Variants in CPNE4 observed in about 807,000 individuals in gnomAD.
The protein encoded by CPNE4 is copine-4.
Under a neutral mutation model 67.9 loss-of-function variants are expected in CPNE4, and 25 were observed. The observed-to-expected ratio is 0.37, with a 90% CI of 0.27 to 0.51. The LOEUF (loss-of-function observed/expected upper bound fraction) is 0.51. Ranked by LOEUF, CPNE4 falls within the 20% of genes least tolerant of loss-of-function variation. The pLI, the probability that CPNE4 is intolerant of heterozygous loss-of-function variation, is 0.93. For missense variants in CPNE4, 464 were observed against 690.8 expected (o/e 0.67, Z 3.68); for synonymous variants, 242 against 244.9 (o/e 0.99, Z 0.11).
chr3:131,677,790 T>C (rs951765667), intron 6 of CPNE4, among the ~76,000 whole-genome samples: 4 of 152,192 alleles, frequency 2.6e-5, no homozygotes, highest in Admixed American at 2.0e-4. Flanking sequence ...CATTGGTCTA[T>C]GTGTCTGTTC....
intron 2 of CPNE4, among the ~76,000 whole-genome samples, chr3:131,865,738 G>T (rs188242437): frequency 3.3e-5 from 5 of 152,210 alleles, no homozygotes; most frequent in Non-Finnish European, 7.3e-5. Flanking sequence ...AATTTAGCAC[G>T]TGTACAAGTT....
In CPNE4 at chr3:131,951,323, A is replaced by G. The variant is rs200397684; in HGVS notation, c.-1-45879T>C. Among the ~76,000 whole-genome samples, 46 of 150,946 alleles carry G rather than the reference A, an allele frequency of 3.0e-4. No homozygotes were observed. The East Asian group carries it at 8.7e-3, about 28-fold the overall frequency. On this transcript the variant is annotated intron_variant, in intron 1 of 15. Coordinates refer to ENST00000429747, the MANE Select transcript of CPNE4 (RefSeq NM_130808.3). The stretch of plus-strand genomic sequence containing the variant: ...ACTGTTGACATAGGGTTCACTATTG[A>G]TTTTTTATGTCAATGTTTTATCTTG...
chr3:131,666,914 G>T (rs571097083), intron 7 of CPNE4, among the ~76,000 whole-genome samples: 22 of 152,286 alleles, frequency 1.4e-4, no homozygotes, highest in Admixed American at 9.8e-4. Flanking sequence ...AGAAACAATT[G>T]TTTAATAAAT....
chr3:131,987,917 G>A (rs2073093706), intron 1 of CPNE4, among the ~76,000 whole-genome samples: 1 of 152,158 alleles, frequency 6.6e-6, no homozygotes, highest in Admixed American at 6.5e-5. Flanking sequence ...CTTATAATGT[G>A]CCAAGCACAG....
chr3:131,932,529 A>G (rs376215591), intron 1 of CPNE4, among the ~76,000 whole-genome samples: 4 of 152,254 alleles, frequency 2.6e-5, no homozygotes, highest in East Asian at 1.9e-4. Context: ...GCCATGGAGA[A>G]AGGGTAAACA....
intron 7 of CPNE4, among the ~76,000 whole-genome samples, chr3:131,640,975 T>G (rs2079525640): frequency 6.6e-6 from 1 of 152,158 alleles, no homozygotes; most frequent in South Asian, 2.1e-4. Context: ...TGCAGAAGAA[T>G]GAAATTGGAT....
At chr3:131,850,801 C>T (rs2086209963) in intron 2 of CPNE4, among the ~76,000 whole-genome samples, 3 of 152,054 alleles carry the variant, frequency 2.0e-5, no homozygotes, top group Admixed American at 2.0e-4. Context: ...GAGATTTTAT[C>T]CCCATTTTGT....
intron 1 of CPNE4, among the ~76,000 whole-genome samples, chr3:131,924,570 A>C (rs1334448080): frequency 6.6e-6 from 1 of 152,190 alleles, no homozygotes; most frequent in Non-Finnish European, 1.5e-5. Flanking sequence ...TTTATCTCAG[A>C]TATTCTAATT....
intron 1 of CPNE4, among the ~76,000 whole-genome samples, chr3:131,938,632 G>C (rs1175838002): frequency 6.6e-6 from 1 of 152,064 alleles, no homozygotes; most frequent in African/African-American, 2.4e-5. Context: ...CAGCAGGAGA[G>C]AGAGAGAAGG....
chr3:131,583,965 T>C (rs1459983606), intron 8 of CPNE4, among the ~76,000 whole-genome samples: 1 of 152,192 alleles, frequency 6.6e-6, no homozygotes, highest in Non-Finnish European at 1.5e-5. Flanking sequence ...CAATGCCTTC[T>C]TCTAGAAGGT....
intron 2 of CPNE4, among the ~76,000 whole-genome samples, chr3:131,785,556 G>T (rs1324338518): frequency 6.6e-6 from 1 of 151,828 alleles, no homozygotes; most frequent in Non-Finnish European, 1.5e-5. Flanking sequence ...TTGACTTAGT[G>T]TATGTTTTGA....
At chr3:131,867,006 A>G (rs1453214199) in intron 2 of CPNE4, among the ~76,000 whole-genome samples, 1 of 152,240 alleles carries the variant, frequency 6.6e-6, no homozygotes, top group Non-Finnish European at 1.5e-5. Flanking sequence ...ACCACCTGGC[A>G]TTAAAACAAA....
In CPNE4 at chr3:131,943,074, C is replaced by A. The variant is rs575004503; in HGVS notation, c.-1-37630G>T. The stretch of plus-strand genomic sequence containing the variant: ...GGAAATCCAGAAGCTTTGGAATTTA[C>A]AAAAGTAATAAAGTGGATATAAAGT... On this transcript the variant is annotated intron_variant, in intron 1 of 15. Coordinates refer to ENST00000429747, the MANE Select transcript of CPNE4 (RefSeq NM_130808.3). 4.6e-5 allele frequency among the ~76,000 whole-genome samples: 7 copies of A among 152,214 alleles called. No homozygotes were observed. The South Asian group carries it at 8.3e-4, about 18-fold the overall frequency.
At chr3:131,933,817 C>T (rs556158513) in intron 1 of CPNE4, among the ~76,000 whole-genome samples, 1 of 150,700 alleles carries the variant, frequency 6.6e-6, no homozygotes, top group East Asian at 1.9e-4. Context: ...CATGTTCTCA[C>T]TTATATGTGA....
intron 1 of CPNE4, among the ~76,000 whole-genome samples, chr3:131,939,297 G>T (rs908854319): frequency 1.3e-5 from 2 of 151,980 alleles, no homozygotes; most frequent in Non-Finnish European, 2.9e-5. Flanking sequence ...GAATAAGGAC[G>T]ACAGTTTGTG....
intron 1 of CPNE4, among the ~76,000 whole-genome samples, chr3:132,031,942 C>G (rs1417910096): frequency 6.6e-6 from 1 of 152,092 alleles, no homozygotes; most frequent in Non-Finnish European, 1.5e-5. Flanking sequence ...CATAAAACTT[C>G]TCTATAAACA....
intron 1 of CPNE4, among the ~76,000 whole-genome samples, chr3:131,922,059 G>T (rs1478590266): frequency 6.6e-6 from 1 of 152,250 alleles, no homozygotes; most frequent in Admixed American, 6.5e-5. Context: ...GTACTTAATA[G>T]TCAGTTATTC....
At chr3:131,891,033 T>C (rs954944488) in intron 2 of CPNE4, among the ~76,000 whole-genome samples, 1 of 152,148 alleles carries the variant, frequency 6.6e-6, no homozygotes, top group Admixed American at 6.6e-5. Flanking sequence ...CTATAGTTAA[T>C]AATAAGGTAT....
chr3:131,881,712 T>C (rs57074722), intron 2 of CPNE4, among the ~76,000 whole-genome samples: 3,793 of 151,798 alleles, frequency 0.025, 151 homozygotes, highest in African/African-American at 0.086. Flanking sequence ...ATTTCAGAAA[T>C]CTCCAGAGAA....
Sources: gnomAD v4.1 joint callset for allele counts (sites outside exome capture counted in the v4.1 genomes callset) on GRCh38, gnomAD v4.1.1 for gene constraint, MANE v1.5 for transcripts, NCBI Gene and HGNC (gene_info 2026-07-23, HGNC 2026-07-21) for gene names.